The following MID2 variants were observed in gnomAD, a reference collection of about 807,000 sequenced individuals.
MID2 encodes midline 2, also known as probable E3 ubiquitin-protein ligase MID2.
MID2 carries 13 observed loss-of-function variants against 46.1 expected under a neutral mutation model. The ratio of observed to expected loss-of-function variants is 0.28; its 90% CI spans 0.18 to 0.45. MID2 has a LOEUF of 0.45. MID2 is among the 20% of genes least tolerant of loss of function. The pLI is 1.00. For synonymous variants in MID2, 199 were observed against 212.3 expected, an observed-to-expected ratio of 0.94 and a Z score of 0.55; for missense variants, 431 against 575.4, an observed-to-expected ratio of 0.75 and a Z score of 2.57.
At chrX:107,893,855 A>G (rs922901984) in intron 3 of MID2, among the ~76,000 whole-genome samples, 6 of 113,111 alleles carry the variant, frequency 5.3e-5, no homozygotes, top group Non-Finnish European at 7.5e-5. Context: ...TCCTTTTGCC[A>G]TCTGTACTTT....
At chrX:107,856,605 C>A (rs1341819589) in intron 3 of MID2, among the ~76,000 whole-genome samples, 4 of 111,834 alleles carry the variant, frequency 3.6e-5, no homozygotes, top group Non-Finnish European at 7.5e-5. Context: ...CTGTTCCAAC[C>A]TTTCCCAGCC....
chrX:107,904,176 G>A, intron 4 of MID2, 111 bp downstream of exon 4: 1 of 560,753 alleles, frequency 1.8e-6, no homozygotes, highest in Non-Finnish European at 3.0e-6. Context: ...TGAGATTATA[G>A]GGGGAGAGGC....
At chrX:107,881,881 G>T (rs1344435651) in intron 3 of MID2, among the ~76,000 whole-genome samples, 1 of 112,385 alleles carries the variant, frequency 8.9e-6, no homozygotes, top group Non-Finnish European at 1.9e-5. Flanking sequence ...TATGCAAAAA[G>T]ATATACTTTT....
At position 107,895,339 on chromosome X, in the gene MID2, C is replaced by T. The variant is rs1431321690; in HGVS notation, c.817-8619C>T. ...CTCATTTGTGCTACTTCTTTATAGG[C>T]ACATCTGTCCCCCAGCAACCACTGA... On this transcript the variant is annotated intron_variant, in intron 3 of 9. Transcript: ENST00000262843. The T allele has an allele frequency of 2.7e-5, 3 of 110,672 alleles. No individual in the cohort carries two copies. The East Asian group carries it at 8.5e-4, about 31-fold the overall frequency. The allele number at this position is 110,672 out of a possible 1,213,427, so 9.1% of individuals were successfully genotyped here. A position where few individuals can be genotyped will look rare whatever the true frequency, so the allele number is the denominator to read the frequency against.
At chrX:107,910,761 T>C (rs1389932520) in intron 5 of MID2, among the ~76,000 whole-genome samples, 3 of 94,042 alleles carry the variant, frequency 3.2e-5, no homozygotes, top group Non-Finnish European at 6.4e-5. Flanking sequence ...TTTGCCTCTG[T>C]TATAGATTTT....
intron 5 of MID2, 27 bp from the exon 6 acceptor site, chrX:107,915,975 A>G: frequency 8.4e-7 from 1 of 1,192,143 alleles, no homozygotes; most frequent in Non-Finnish European, 1.1e-6. Context: ...ATTTTGATGT[A>G]TATTGATGTA....
rs57100746 is a variant in MID2 at position 107,866,422 on chromosome X, AACACACACACACACAC to A, written c.816+11758_816+11773del. Among the ~76,000 whole-genome samples, 449 of 81,188 alleles carry A rather than the reference AACACACACACACACAC, an allele frequency of 5.5e-3. 2 individuals carry two copies. The highest frequency in any genetic ancestry group is 0.018 in the African/African-American group (387 of 21,956). The allele number at this position is 81,188 out of a possible 115,157, so 70.5% of individuals were successfully genotyped here. On this transcript the variant is annotated intron_variant, in intron 3 of 9. Transcript: ENST00000262843. ...GGATATCAGCAGCAAAGCCACTGAA[AACACACACACACACAC>A]ACACACACACACACACACACACACA... is the stretch of plus-strand genomic sequence containing the variant.
chrX:107,858,047 G>A (rs987857700), intron 3 of MID2, among the ~76,000 whole-genome samples: 13 of 112,005 alleles, frequency 1.2e-4, no homozygotes, highest in Admixed American at 6.6e-4. Flanking sequence ...CTTTCTCCCT[G>A]TTCTCTATTC....
chrX:107,931,598 G>T lies in MID2; in HGVS notation c.*4525G>T, dbSNP rs909873319. On this transcript the variant is annotated 3_prime_UTR_variant, in exon 10 of 10. Transcript: ENST00000262843. ...TACAATATTCCAGCCCATCCAAAAT[G>T]CTATATTATGAATTAAATAAATATA... 1.8e-5 allele frequency among the ~76,000 whole-genome samples: 2 copies of T among 111,438 alleles called. No homozygotes were observed. The highest frequency in any genetic ancestry group is 3.8e-5 in the Non-Finnish European group (2 of 53,112).
intron 3 of MID2, among the ~76,000 whole-genome samples, chrX:107,862,668 A>T (rs982128636): frequency 2.7e-5 from 3 of 112,724 alleles, no homozygotes; most frequent in Non-Finnish European, 5.6e-5. Context: ...CTTCTTGATT[A>T]CTGCCTTTAA....
intron 5 of MID2, among the ~76,000 whole-genome samples, chrX:107,914,619 A>G (rs1932940547): frequency 8.9e-6 from 1 of 111,904 alleles, no homozygotes; most frequent in African/African-American, 3.2e-5. Context: ...TAACCTACAT[A>G]TTATTGCCAA....
At chrX:107,886,482 A>C (rs1396373417) in intron 3 of MID2, among the ~76,000 whole-genome samples, 3 of 111,740 alleles carry the variant, frequency 2.7e-5, no homozygotes, top group South Asian at 7.5e-4. Flanking sequence ...ATTGATCTAT[A>C]TCTCTGTTTT....
intron 1 of MID2, among the ~76,000 whole-genome samples, chrX:107,827,916 T>C (rs1930991728): frequency 8.9e-6 from 1 of 112,584 alleles, no homozygotes. Context: ...GTGTTTGTTA[T>C]AGTTTGGATA....
chrX:107,854,138 T>G (rs73636326), intron 2 of MID2, among the ~76,000 whole-genome samples: 1,650 of 111,724 alleles, frequency 0.015, 35 homozygotes, highest in African/African-American at 0.051. Context: ...TCTGGATAAG[T>G]CCATCATAAG....
Position 107,927,152 on chromosome X carries a change from T to C in MID2, c.*79T>C. 2 of 892,819 alleles carry C rather than the reference T, an allele frequency of 2.2e-6. No individual in the cohort carries two copies. The highest frequency in any genetic ancestry group is 3.3e-5 in the South Asian group (1 of 30,674). The allele number at this position is 892,819 out of a possible 1,213,427, so 73.6% of individuals were successfully genotyped here. ...CCTACACCTAAGTTAGCGTTCAATA[T>C]ACGAGACACAAAATAAAGTTTGTTT... On this transcript the variant is annotated 3_prime_UTR_variant, in exon 10 of 10. Transcript: ENST00000262843.
intron 3 of MID2, among the ~76,000 whole-genome samples, chrX:107,877,953 C>T (rs1932235878): frequency 9.1e-6 from 1 of 109,477 alleles, no homozygotes; most frequent in Non-Finnish European, 1.9e-5. Context: ...TCCATTGCTG[C>T]CCTATCATAA....
chrX:107,870,750 C>A (rs937778869), intron 3 of MID2, among the ~76,000 whole-genome samples: 1 of 89,304 alleles, frequency 1.1e-5, no homozygotes, highest in East Asian at 3.5e-4. Flanking sequence ...CTACAAATTG[C>A]GGCTTTTTTT....
chrX:107,873,530 T>G (rs1932123018), intron 3 of MID2, among the ~76,000 whole-genome samples: 1 of 112,271 alleles, frequency 8.9e-6, no homozygotes, highest in Non-Finnish European at 1.9e-5. Flanking sequence ...TAGATGAAGC[T>G]TGCTGTCCTC....
At chrX:107,857,791 G>A (rs942649124) in intron 3 of MID2, among the ~76,000 whole-genome samples, 2 of 111,724 alleles carry the variant, frequency 1.8e-5, no homozygotes, top group African/African-American at 6.5e-5. Context: ...GACACTGATG[G>A]GTGATTTGGA....
Sources: allele counts gnomAD v4.1 joint callset (sites outside exome capture counted in the v4.1 genomes callset), GRCh38; gene constraint gnomAD v4.1.1; transcripts MANE v1.5; gene names NCBI Gene and HGNC (gene_info 2026-07-23, HGNC 2026-07-21).